IL5: variants seen among roughly 807,000 people sequenced by gnomAD.
IL5 encodes the protein interleukin 5.
A neutral mutation model predicts 16.3 loss-of-function variants in IL5; 12 were observed. That is an observed-to-expected ratio of 0.74 (90% CI 0.47 to 1.20). The LOEUF (loss-of-function observed/expected upper bound fraction) is 1.20. IL5 is among the 50% of genes most tolerant of loss of function. The pLI is 0.00. For synonymous variants in IL5, 54 were observed against 56.6 expected, an observed-to-expected ratio of 0.95 and a Z score of 0.21; for missense variants, 159 against 153.9, an observed-to-expected ratio of 1.03 and a Z score of -0.17.
chr5:132,542,022 C>T lies in IL5; in HGVS notation c.299G>A (p.Gly100Asp). Residue 100 changes from glycine to aspartate, a missense_variant, in exon 3 of 4, where the codon GGC (glycine) becomes GAC (aspartate). Transcript: ENST00000231454. ...NLSLIKKYID[G>D]QKKKCGEERR... ...TGAATGTGTGTAACTTACTTTTTGG[C>T]CGTCAATGTATTTCTTTATTAAGGA... 1 of 1,613,676 alleles carries T rather than the reference C, an allele frequency of 6.2e-7. No homozygotes were observed. Among genetic ancestry groups the T allele is most frequent in the Non-Finnish European group, 8.5e-7 (1 of 1,179,812 alleles).
upstream of IL5, among the ~76,000 whole-genome samples, chr5:132,546,386 C>T (rs1319722001): frequency 6.6e-6 from 1 of 152,100 alleles, no homozygotes; most frequent in Non-Finnish European, 1.5e-5. Flanking sequence ...CTTTAGGTAC[C>T]TGATATACAG....
chr5:132,556,652 A>G, intron 1 of IL5: 1 of 1,215,090 alleles, frequency 8.2e-7, no homozygotes, highest in Non-Finnish European at 1.1e-6. Context: ...TGAAAAGGAA[A>G]ATAGTTTTGA....
At chr5:132,545,084 G>A (rs953248511), upstream of IL5, among the ~76,000 whole-genome samples, 3 of 152,114 alleles carry the variant, frequency 2.0e-5, no homozygotes, top group African/African-American at 7.2e-5. Flanking sequence ...CAGAAGTTTG[G>A]CTCACTTCAG....
upstream of IL5, among the ~76,000 whole-genome samples, chr5:132,546,527 T>C (rs192843382): frequency 5.3e-3 from 813 of 152,348 alleles, 4 homozygotes; most frequent in Non-Finnish European, 8.8e-3. Flanking sequence ...GTCTATACCA[T>C]GTTTTGTTTA....
chr5:132,552,097 C>T (rs1429262181), intron 1 of IL5, among the ~76,000 whole-genome samples: 1 of 151,934 alleles, frequency 6.6e-6, no homozygotes, highest in African/African-American at 2.4e-5. Flanking sequence ...AGTGAAACCC[C>T]GTCTCTACTA....
intron 2 of IL5, 37 bp from the exon 3 acceptor site, chr5:132,542,180 G>T: frequency 6.3e-7 from 1 of 1,583,670 alleles, no homozygotes; most frequent in South Asian, 1.1e-5. Flanking sequence ...AAATAATCAA[G>T]ACAAGGTATA....
At chr5:132,553,643 G>T (rs1580970917) in intron 1 of IL5, among the ~76,000 whole-genome samples, 2 of 152,092 alleles carry the variant, frequency 1.3e-5, no homozygotes, top group African/African-American at 4.8e-5. Context: ...TCATTTAAAT[G>T]GTCTTGGTGG....
upstream of IL5, among the ~76,000 whole-genome samples, chr5:132,547,256 A>T (rs563526803): frequency 6.6e-6 from 1 of 152,294 alleles, no homozygotes; most frequent in Non-Finnish European, 1.5e-5. Flanking sequence ...ACCTGATCAA[A>T]CACTACTTCA....
Position 132,541,724 on chromosome 5 carries a change from G to T in IL5, c.*87C>A. ...GAAGTTAAATTATACTGAAAATTAA[G>T]GCCTGACTCTTTCTTGGCCCTCATT... is the stretch of plus-strand genomic sequence containing the variant. On this transcript the variant is annotated 3_prime_UTR_variant, in exon 4 of 4. Coordinates refer to ENST00000231454, the MANE Select transcript of IL5 (RefSeq NM_000879.3). The T allele has an allele frequency of 1.3e-6, 1 of 751,738 alleles. No homozygotes were observed. The highest frequency in any genetic ancestry group is 2.2e-6 in the Non-Finnish European group (1 of 445,854). 46.6% of individuals were successfully genotyped at this position (751,738 alleles called of 1,614,324 possible).
At chr5:132,545,226 C>G (rs138159965), upstream of IL5, among the ~76,000 whole-genome samples, 6 of 152,156 alleles carry the variant, frequency 3.9e-5, no homozygotes, top group Non-Finnish European at 8.8e-5. Context: ...AATATGAGAG[C>G]GTTCTCTCTG....
chr5:132,551,573 TTC>T (rs1337597454), intron 1 of IL5, among the ~76,000 whole-genome samples: 1 of 152,090 alleles, frequency 6.6e-6, no homozygotes, highest in Non-Finnish European at 1.5e-5. Flanking sequence ...TGTGTGTGTG[TTC>T]TGTGATGGAA....
chr5:132,556,743 GA>G, exon 1 of IL5: 1 of 1,220,894 alleles, frequency 8.2e-7, no homozygotes, highest in South Asian at 1.6e-5. Flanking sequence ...CAAGCTTTGG[GA>G]AGCGCCATCC....
chr5:132,549,330 A>G (rs962247339), intron 1 of IL5, among the ~76,000 whole-genome samples: 2 of 152,206 alleles, frequency 1.3e-5, no homozygotes, highest in East Asian at 3.8e-4. Flanking sequence ...CTGGGATTAC[A>G]GGCATGAGCC....
chr5:132,554,616 C>T (rs1406360112), intron 1 of IL5, among the ~76,000 whole-genome samples: 1 of 152,128 alleles, frequency 6.6e-6, no homozygotes, highest in Non-Finnish European at 1.5e-5. Flanking sequence ...GGTACAACCA[C>T]TGTGGAAAAC....
At chr5:132,556,639 G>C (rs1429629980) in intron 1 of IL5, 1 of 1,185,752 alleles carries the variant, frequency 8.4e-7, no homozygotes, top group Admixed American at 3.4e-5. Flanking sequence ...GAGAGAATGA[G>C]AATGAAAAGG....
intron 2 of IL5, among the ~76,000 whole-genome samples, chr5:132,542,722 A>G (rs926502057): frequency 5.3e-5 from 8 of 152,202 alleles, no homozygotes; most frequent in African/African-American, 1.9e-4. Flanking sequence ...TCTACTGATC[A>G]TGGTTCTAAA....
chr5:132,548,229 C>CAA (rs112997896), upstream of IL5, among the ~76,000 whole-genome samples: 1 of 96,590 alleles, frequency 1.0e-5, no homozygotes. Context: ...GACCCTGTCT[C>CAA]AAAAAAAAAA....
intron 1 of IL5, among the ~76,000 whole-genome samples, chr5:132,548,783 G>A (rs971877919): frequency 3.3e-5 from 5 of 152,044 alleles, no homozygotes; most frequent in Non-Finnish European, 7.3e-5. Context: ...TGGAATAGTT[G>A]GGTAAGTTAT....
upstream of IL5, among the ~76,000 whole-genome samples, chr5:132,546,804 T>A (rs556680728): frequency 6.6e-6 from 1 of 152,180 alleles, no homozygotes; most frequent in South Asian, 2.1e-4. Flanking sequence ...GGCGGGCAGA[T>A]CACGAGGTCA....
Sources: allele counts gnomAD v4.1 joint callset (sites outside exome capture counted in the v4.1 genomes callset), GRCh38; gene constraint gnomAD v4.1.1; transcripts MANE v1.5; gene names NCBI Gene and HGNC (gene_info 2026-07-23, HGNC 2026-07-21).